Variants in HECW1 observed in about 807,000 individuals in gnomAD.
HECW1 encodes E3 ubiquitin-protein ligase HECW1.
HECW1 carries 61 observed loss-of-function variants against 182.3 expected under a neutral mutation model. The ratio of observed to expected loss-of-function variants is 0.33; its 90% CI spans 0.27 to 0.41. HECW1 has a LOEUF of 0.41. Among genes scored for constraint, HECW1 ranks in the 10% least tolerant of loss-of-function variants. The probability of loss-of-function intolerance (pLI) is 1.00; values close to 1 mark genes in which losing one functional copy is unlikely to be tolerated. For missense variants in HECW1, 1,739 were observed against 2,108.9 expected, an observed-to-expected ratio of 0.82 and a Z score of 3.44; for synonymous variants, 859 against 832.6, an observed-to-expected ratio of 1.03 and a Z score of -0.55.
chr7:43,131,938 G>A (rs1583622086), intron 2 of HECW1, among the ~76,000 whole-genome samples: 1 of 152,170 alleles, frequency 6.6e-6, no homozygotes, highest in East Asian at 1.9e-4. Flanking sequence ...TGCATGCTGA[G>A]GACTCCACAT....
In HECW1 at chr7:43,504,120, T is replaced by G. The variant is rs190302411; in HGVS notation, c.3631+2798T>G. Among the ~76,000 whole-genome samples, 110 of 152,310 alleles carry G rather than the reference T, an allele frequency of 7.2e-4. 1 individual carries two copies. Among genetic ancestry groups the G allele is most frequent in the South Asian group, 1.9e-3 (9 of 4,832 alleles). ...TCTCATTCTCAAGGCCTGTGGCCCC[T>G]GCCTTGTAGTCTTCCTCTCCTTCCC... On this transcript the variant is annotated intron_variant, in intron 21 of 29. Coordinates refer to ENST00000395891, the MANE Select transcript of HECW1 (RefSeq NM_015052.5).
At chr7:43,188,528 C>T (rs553560388) in intron 2 of HECW1, among the ~76,000 whole-genome samples, 11 of 152,288 alleles carry the variant, frequency 7.2e-5, no homozygotes, top group African/African-American at 2.6e-4. Flanking sequence ...AATACTGTCT[C>T]GGTCAGCACT....
chr7:43,467,880 G>A (rs984152752), intron 15 of HECW1, among the ~76,000 whole-genome samples: 2 of 152,134 alleles, frequency 1.3e-5, no homozygotes, highest in Non-Finnish European at 2.9e-5. Flanking sequence ...GGCTGCAAAG[G>A]GGGGGATCAG....
At chr7:43,498,240 T>C (rs2079191478) in intron 19 of HECW1, among the ~76,000 whole-genome samples, 1 of 152,202 alleles carries the variant, frequency 6.6e-6, no homozygotes, top group African/African-American at 2.4e-5. Flanking sequence ...GTGGTCCATA[T>C]GGTGGTGCCA....
At position 43,445,047 on chromosome 7, in the gene HECW1, A is replaced by G; in HGVS notation, c.1875A>G (p.Pro625=). The change falls in exon 11 of 30, where the codon CCA becomes CCG. Residue 625 remains proline, a synonymous_variant. Coordinates refer to ENST00000395891, the MANE Select transcript of HECW1 (RefSeq NM_015052.5). The stretch of plus-strand genomic sequence containing the variant: ...GAGAAGAGCCCGAGGGGGCTACTCC[A>G]GGCACGGCGCACCCTGGCCACTCCG... ...EDREEPEGAT[P]GTAHPGHSGG... The G allele has an allele frequency of 6.3e-7, 1 of 1,577,440 alleles. No individual in the cohort carries two copies. The highest frequency in any genetic ancestry group is 8.6e-7 in the Non-Finnish European group (1 of 1,161,752).
chr7:43,339,745 G>A (rs1166373611), intron 5 of HECW1, among the ~76,000 whole-genome samples: 1 of 152,104 alleles, frequency 6.6e-6, no homozygotes, highest in East Asian at 1.9e-4. Context: ...CAATAAGAGG[G>A]GAGCTCCGCG....
intron 2 of HECW1, among the ~76,000 whole-genome samples, chr7:43,192,082 C>G (rs1793969482): frequency 6.6e-6 from 1 of 151,988 alleles, no homozygotes; most frequent in South Asian, 2.1e-4. Context: ...GCCTCAGCCT[C>G]CTGAGTAGCT....
At chr7:43,231,816 A>C (rs1242752183) in intron 2 of HECW1, among the ~76,000 whole-genome samples, 1 of 151,854 alleles carries the variant, frequency 6.6e-6, no homozygotes, top group Non-Finnish European at 1.5e-5. Context: ...GGAGATTGAG[A>C]CCATCCTGGC....
At chr7:43,435,191 G>T (rs904709381) in intron 8 of HECW1, among the ~76,000 whole-genome samples, 5 of 151,482 alleles carry the variant, frequency 3.3e-5, no homozygotes, top group African/African-American at 1.2e-4. Flanking sequence ...ACTATTATAT[G>T]TGCATATCAC....
chr7:43,459,591 G>A (rs1294839632), intron 13 of HECW1, among the ~76,000 whole-genome samples: 2 of 151,690 alleles, frequency 1.3e-5, no homozygotes, highest in East Asian at 1.9e-4. Context: ...AGGCTGGAGT[G>A]CAGTGGCATT....
chr7:43,543,788 A>G (rs1253593079), intron 26 of HECW1, among the ~76,000 whole-genome samples: 1 of 151,660 alleles, frequency 6.6e-6, no homozygotes, highest in East Asian at 1.9e-4. Flanking sequence ...TCACAAAAAA[A>G]AAAAAAAAAA....
chr7:43,228,328 C>CA (rs549457929), intron 2 of HECW1, among the ~76,000 whole-genome samples: 2,094 of 131,544 alleles, frequency 0.016, 31 homozygotes, highest in African/African-American at 0.037. Flanking sequence ...TCTACAAAAT[C>CA]AAAAAAAAAA....
intron 5 of HECW1, among the ~76,000 whole-genome samples, chr7:43,360,076 G>A (rs1388891780): frequency 5.3e-5 from 8 of 152,080 alleles, no homozygotes; most frequent in Admixed American, 1.3e-4. Flanking sequence ...CTTAACCAAC[G>A]TCTTATGAAG....
At chr7:43,500,928 C>A (rs946779948) in intron 20 of HECW1, 146 bp downstream of exon 20, 1 of 707,922 alleles carries the variant, frequency 1.4e-6, no homozygotes. Context: ...GGGACCCCAC[C>A]CTTGTACCTG....
intron 2 of HECW1, among the ~76,000 whole-genome samples, chr7:43,197,043 A>G (rs1299428456): frequency 6.6e-6 from 1 of 152,190 alleles, no homozygotes; most frequent in African/African-American, 2.4e-5. Flanking sequence ...ATTATCCAAT[A>G]AATTAAATTC....
chr7:43,277,732 T>C (rs1325137826), intron 3 of HECW1, among the ~76,000 whole-genome samples: 3 of 152,188 alleles, frequency 2.0e-5, no homozygotes, highest in Non-Finnish European at 4.4e-5. Flanking sequence ...CCAAGAAGCA[T>C]CTGGACTGCC....
intron 2 of HECW1, among the ~76,000 whole-genome samples, chr7:43,201,368 A>G (rs1795002455): frequency 6.6e-6 from 1 of 152,250 alleles, no homozygotes; most frequent in Admixed American, 6.5e-5. Flanking sequence ...GGCAGGATGT[A>G]CAGAGAATTA....
rs750142094 is a variant in HECW1 at position 43,320,631 on chromosome 7, A to T, written c.353-4A>T. The T allele has an allele frequency of 6.3e-7, 1 of 1,599,794 alleles. No individual in the cohort carries two copies. Among genetic ancestry groups the T allele is most frequent in the Admixed American group, 1.7e-5 (1 of 60,020 alleles). The stretch of plus-strand genomic sequence containing the variant: ...TGCTCTGCTTTCTTCCTCTGGGAAT[A>T]TAGATGAGGTCTTGTCCGAAAACTT... On this transcript the variant is annotated splice_polypyrimidine_tract_variant and splice_region_variant and intron_variant, in intron 4 of 29. Coordinates refer to ENST00000395891, the MANE Select transcript of HECW1 (RefSeq NM_015052.5).
At chr7:43,244,915 G>T (rs1460596238) in intron 3 of HECW1, among the ~76,000 whole-genome samples, 5 of 152,266 alleles carry the variant, frequency 3.3e-5, no homozygotes. Context: ...TGTTCAGTGT[G>T]TGCCTTGGTA....
Sources: allele counts gnomAD v4.1 joint callset (sites outside exome capture counted in the v4.1 genomes callset), GRCh38; gene constraint gnomAD v4.1.1; transcripts MANE v1.5; gene names NCBI Gene and HGNC (gene_info 2026-07-23, HGNC 2026-07-21).